The following SEMA3D variants were observed in gnomAD, a reference collection of about 807,000 sequenced individuals.
The protein encoded by SEMA3D is semaphorin-3D.
Under a neutral mutation model 100.1 loss-of-function variants are expected in SEMA3D, and 84 were observed. The observed-to-expected ratio is 0.84, with a 90% CI of 0.70 to 1.01. The LOEUF is 1.01. Ranked by LOEUF, SEMA3D falls within the 50% of genes least tolerant of loss-of-function variation. SEMA3D has a pLI of 0.00. For synonymous variants in SEMA3D, 312 were observed against 320.7 expected (o/e 0.97, Z 0.29); for missense variants, 875 against 934.1 (o/e 0.94, Z 0.82).
chr7:85,160,798 G>A (rs911456471), intron 1 of SEMA3D, among the ~76,000 whole-genome samples: 13 of 152,230 alleles, frequency 8.5e-5, no homozygotes, highest in South Asian at 2.1e-4. Context: ...CAACTTGGAT[G>A]AGCAACAAGT....
intron 9 of SEMA3D, among the ~76,000 whole-genome samples, chr7:85,051,342 AT>A (rs1365130309): frequency 6.6e-6 from 1 of 151,914 alleles, no homozygotes; most frequent in Non-Finnish European, 1.5e-5. Flanking sequence ...CTAGTCTTTA[AT>A]CATAATCTTA....
At chr7:85,159,337 C>T (rs1384387867) in intron 1 of SEMA3D, among the ~76,000 whole-genome samples, 3 of 152,100 alleles carry the variant, frequency 2.0e-5, no homozygotes, top group Admixed American at 6.5e-5. Flanking sequence ...ACAGAATCTA[C>T]CCCTTTTTAA....
chr7:85,140,637 A>G (rs1790019753), intron 2 of SEMA3D: 2 of 961,766 alleles, frequency 2.1e-6, no homozygotes, highest in Non-Finnish European at 1.2e-6. Flanking sequence ...CCTATAATCT[A>G]TAGCCTACAA....
intron 3 of SEMA3D, among the ~76,000 whole-genome samples, chr7:85,102,953 T>C (rs752733678): frequency 1.3e-5 from 2 of 152,202 alleles, no homozygotes; most frequent in Admixed American, 6.6e-5. Flanking sequence ...TTCCAAATGA[T>C]TTAACATTGC....
chr7:85,029,602 G>A (rs867872291), intron 12 of SEMA3D: 2 of 475,312 alleles, frequency 4.2e-6, no homozygotes, highest in African/African-American at 2.0e-5. Context: ...AGTGCAGAAG[G>A]CATGCTAGGA....
intron 5 of SEMA3D, among the ~76,000 whole-genome samples, chr7:85,080,326 G>A (rs971546267): frequency 1.3e-5 from 2 of 152,138 alleles, no homozygotes; most frequent in African/African-American, 4.8e-5. Flanking sequence ...TAACAAATGA[G>A]TGAACTAACC....
intron 2 of SEMA3D, 69 bp downstream of exon 2, chr7:85,153,539 A>ATCTATC (rs1790492807): frequency 1.3e-5 from 1 of 77,448 alleles, no homozygotes; most frequent in Non-Finnish European, 3.0e-5. Flanking sequence ...AAATGCATCT[A>ATCTATC]TCTATCTATC....
chr7:85,096,160 G>T (rs1426600369), intron 4 of SEMA3D, among the ~76,000 whole-genome samples: 1 of 151,664 alleles, frequency 6.6e-6, no homozygotes, highest in East Asian at 1.9e-4. Flanking sequence ...TTTTTCCTTG[G>T]CCACTTTCAT....
intron 10 of SEMA3D, chr7:85,041,941 C>T: frequency 2.1e-6 from 1 of 476,886 alleles, no homozygotes; most frequent in Non-Finnish European, 3.7e-6. Flanking sequence ...AGTTTTGTTT[C>T]CTTCACTTAC....
At chr7:85,168,606 C>T (rs188996309) in intron 1 of SEMA3D, among the ~76,000 whole-genome samples, 33 of 137,696 alleles carry the variant, frequency 2.4e-4, no homozygotes, top group Admixed American at 2.2e-3. Flanking sequence ...AAAGTAATTG[C>T]GGTTTCTGCA....
chr7:85,226,312 C>A, the SEMA3D span, among the ~76,000 whole-genome samples: 15 of 152,176 alleles, frequency 9.9e-5, no homozygotes. Flanking sequence ...TGAGGTTTGA[C>A]AAAATAAAAT....
the SEMA3D span, among the ~76,000 whole-genome samples, chr7:85,204,835 T>G: frequency 6.6e-6 from 1 of 152,042 alleles, no homozygotes; most frequent in South Asian, 2.1e-4. Context: ...TAGTAAGAAC[T>G]CCAACACACC....
At position 85,027,030 on chromosome 7, in the gene SEMA3D, T is replaced by C. The variant is rs1030252426; in HGVS notation, c.1192-4417A>G. The stretch of plus-strand genomic sequence containing the variant: ...TGGAAACCCAATTGTTGATATTATG[T>C]ATTATTATCCTATGATCTATCTTCT... On this transcript the variant is annotated intron_variant, in intron 12 of 18. Coordinates refer to ENST00000284136, the MANE Select transcript of SEMA3D (RefSeq NM_001384900.1). Among the ~76,000 whole-genome samples, 4 of 152,182 alleles carry C rather than the reference T, an allele frequency of 2.6e-5. No homozygotes were observed. The East Asian group carries it at 7.8e-4, about 30-fold the overall frequency.
chr7:85,090,535 TA>T (rs1413272999), intron 4 of SEMA3D, among the ~76,000 whole-genome samples: 1 of 152,186 alleles, frequency 6.6e-6, no homozygotes, highest in Non-Finnish European at 1.5e-5. Flanking sequence ...TTTCAAGTAT[TA>T]AATAAGAATT....
chr7:85,165,728 A>T (rs1790886607), intron 1 of SEMA3D, among the ~76,000 whole-genome samples: 1 of 152,122 alleles, frequency 6.6e-6, no homozygotes, highest in African/African-American at 2.4e-5. Flanking sequence ...ATTCCCTTTA[A>T]ACTAAGAAGG....
At chr7:85,068,118 A>C in intron 7 of SEMA3D, 73 bp downstream of exon 7, 1 of 877,440 alleles carries the variant, frequency 1.1e-6, no homozygotes, top group African/African-American at 1.7e-5. Flanking sequence ...ACTCAATAGG[A>C]AAATGCGGTT....
intron 1 of SEMA3D, among the ~76,000 whole-genome samples, chr7:85,165,520 C>A (rs1790881931): frequency 6.6e-6 from 1 of 152,056 alleles, no homozygotes; most frequent in South Asian, 2.1e-4. Flanking sequence ...CTGGATTCTG[C>A]CATCACTTGT....
At chr7:85,240,257 T>C in the SEMA3D span, among the ~76,000 whole-genome samples, 1 of 152,154 alleles carries the variant, frequency 6.6e-6, no homozygotes, top group South Asian at 2.1e-4. Context: ...GATATGATCA[T>C]ACGATTTTTT....
intron 1 of SEMA3D, chr7:85,167,258 G>T (rs1482484345): frequency 2.0e-6 from 2 of 984,452 alleles, no homozygotes; most frequent in African/African-American, 3.5e-5. Flanking sequence ...TCATCTGGAG[G>T]TCTTGGCTGG....
Sources: gnomAD v4.1 joint callset for allele counts (sites outside exome capture counted in the v4.1 genomes callset) on GRCh38, gnomAD v4.1.1 for gene constraint, MANE v1.5 for transcripts, NCBI Gene and HGNC (gene_info 2026-07-23, HGNC 2026-07-21) for gene names.